TOP2B: variants seen among roughly 807,000 people sequenced by gnomAD.
TOP2B encodes DNA topoisomerase II beta, also known as DNA topoisomerase 2-beta.
In TOP2B, 51 loss-of-function variants were observed where a neutral mutation model predicts 193.5. That is an observed-to-expected ratio of 0.26 (90% CI 0.21 to 0.33). The LOEUF is 0.33. Among genes scored for constraint, TOP2B ranks in the 10% least tolerant of loss-of-function variants. The probability of loss-of-function intolerance (pLI) is 1.00; values close to 1 mark genes in which losing one functional copy is unlikely to be tolerated. For synonymous variants in TOP2B, 634 were observed against 635.7 expected, an observed-to-expected ratio of 1.00 and a Z score of 0.04; for missense variants, 1,378 against 1,909.3, an observed-to-expected ratio of 0.72 and a Z score of 5.19.
intron 7 of TOP2B, among the ~76,000 whole-genome samples, chr3:25,635,370 C>T (rs568713075): frequency 2.0e-5 from 3 of 152,086 alleles, no homozygotes; most frequent in Admixed American, 1.3e-4. Flanking sequence ...AAAGATAAAG[C>T]GATTATCAGA....
intron 25 of TOP2B, among the ~76,000 whole-genome samples, chr3:25,617,891 T>G (rs1245912387): frequency 6.6e-6 from 1 of 152,206 alleles, no homozygotes; most frequent in Non-Finnish European, 1.5e-5. Context: ...TAATCTGAAG[T>G]TCCAGGGTTT....
chr3:25,630,982 C>G, intron 10 of TOP2B, 43 bp from the exon 11 acceptor site: 1 of 1,524,574 alleles, frequency 6.6e-7, no homozygotes, highest in South Asian at 1.3e-5. Context: ...GCTGAAAATT[C>G]ATACATTTAG....
intron 27 of TOP2B, among the ~76,000 whole-genome samples, chr3:25,614,412 A>G (rs1271864856): frequency 6.6e-6 from 1 of 152,138 alleles, no homozygotes; most frequent in Non-Finnish European, 1.5e-5. Context: ...AAAACTAATT[A>G]ATGAACAATA....
At chr3:25,613,074 A>G (rs1224728852) in intron 27 of TOP2B, among the ~76,000 whole-genome samples, 2 of 152,192 alleles carry the variant, frequency 1.3e-5, no homozygotes, top group African/African-American at 4.8e-5. Context: ...TTCTGCTAAT[A>G]AGTATGAAGT....
chr3:25,660,380 T>C (rs1409400236), intron 1 of TOP2B, among the ~76,000 whole-genome samples: 1 of 152,308 alleles, frequency 6.6e-6, no homozygotes, highest in East Asian at 1.9e-4. Context: ...TTATCATGCA[T>C]GAAAGTTACA....
Position 25,609,710 on chromosome 3 carries a change from A to G in TOP2B, c.3789T>C (p.Gly1263=), listed in dbSNP as rs1033300198. 2 of 1,448,068 alleles carry G rather than the reference A, an allele frequency of 1.4e-6. No individual in the cohort carries two copies. Among genetic ancestry groups the G allele is most frequent in the Non-Finnish European group, 1.8e-6 (2 of 1,102,836 alleles). The allele number at this position is 1,448,068 out of a possible 1,614,324, so 89.7% of individuals were successfully genotyped here. A position where few individuals can be genotyped will look rare whatever the true frequency, so the allele number is the denominator to read the frequency against. ...ASKKLLKKKK[G]DLDTAAVKVE... is the part of the protein sequence containing the mutation. ...CTTTTACTGCTGCAGTATCAAGATC[A>G]CCCTACATAATAAAAAGAAAATCAA... is the stretch of plus-strand genomic sequence containing the variant. The change falls in exon 29 of 36, where the codon GGT becomes GGC. Residue 1263 remains glycine (G), a splice_region_variant and synonymous_variant. Coordinates refer to ENST00000264331, the MANE Select transcript of TOP2B (RefSeq NM_001330700.2).
At chr3:25,617,564 T>C (rs1412310813) in intron 25 of TOP2B, among the ~76,000 whole-genome samples, 2 of 152,194 alleles carry the variant, frequency 1.3e-5, no homozygotes, top group African/African-American at 2.4e-5. Context: ...AGAACTCAAG[T>C]ACAGGGAAGT....
At chr3:25,625,632 G>C (rs112333288) in intron 18 of TOP2B, among the ~76,000 whole-genome samples, 1 of 152,118 alleles carries the variant, frequency 6.6e-6, no homozygotes, top group African/African-American at 2.4e-5. Context: ...GCTATCGTTA[G>C]TGTTAGTGTA....
chr3:25,654,565 C>A (rs1461584993), intron 1 of TOP2B, among the ~76,000 whole-genome samples: 1 of 151,784 alleles, frequency 6.6e-6, no homozygotes, highest in African/African-American at 2.4e-5. Context: ...GTATTTTTTG[C>A]AGAAATACAA....
chr3:25,638,587 G>A (rs1178551049), intron 4 of TOP2B, among the ~76,000 whole-genome samples: 1 of 151,548 alleles, frequency 6.6e-6, no homozygotes, highest in African/African-American at 2.4e-5. Context: ...AACATCTCAG[G>A]ATGACAAAAA....
chr3:25,653,480 A>G (rs1336925890), intron 1 of TOP2B, among the ~76,000 whole-genome samples: 1 of 151,774 alleles, frequency 6.6e-6, no homozygotes, highest in Non-Finnish European at 1.5e-5. Context: ...CTGCAGCCTC[A>G]ACCTCCCAGG....
intron 32 of TOP2B, among the ~76,000 whole-genome samples, chr3:25,605,243 A>T (rs1350619665): frequency 6.6e-6 from 1 of 152,178 alleles, no homozygotes. Flanking sequence ...TAACCATTTC[A>T]GGAATATCAG....
At chr3:25,642,183 A>T in intron 4 of TOP2B, 139 bp downstream of exon 4, 1 of 498,166 alleles carries the variant, frequency 2.0e-6, no homozygotes, top group Non-Finnish European at 3.6e-6. Context: ...CACAGAAAAG[A>T]GGCAAAAATA....
chr3:25,632,101 A>T (rs1702976632), intron 10 of TOP2B, among the ~76,000 whole-genome samples: 1 of 152,108 alleles, frequency 6.6e-6, no homozygotes, highest in African/African-American at 2.4e-5. Context: ...TATAAAGATA[A>T]GAATCAGTAG....
At chr3:25,601,250 A>G (rs1702086523) in intron 33 of TOP2B, 25 bp from the exon 34 acceptor site, 28 of 1,605,290 alleles carry the variant, frequency 1.7e-5, no homozygotes, top group Non-Finnish European at 2.3e-5. Context: ...TCCATTTCAC[A>G]GGTCAATATA....
At chr3:25,648,865 A>C (rs1218405039) in intron 1 of TOP2B, among the ~76,000 whole-genome samples, 3 of 152,222 alleles carry the variant, frequency 2.0e-5, no homozygotes, top group African/African-American at 7.2e-5. Flanking sequence ...CTGTCTCAAA[A>C]AAATAATAAA....
In TOP2B at chr3:25,664,526, G is replaced by A. The variant is rs538044440; in HGVS notation, c.-229C>T. 2.6e-6 allele frequency: 3 copies of A among 1,152,632 alleles called. No individual in the cohort carries two copies. The African/African-American group carries it at 4.9e-5, about 19-fold the overall frequency. 71.4% of individuals were successfully genotyped at this position (1,152,632 alleles called of 1,614,324 possible). ...TCGAGGCGCGGCGTCCGCGTCGCCCGGGCCTAGCGCGGCGGCTGAGGAGAA... is the reference window on the plus strand; with the variant it reads ...TCGAGGCGCGGCGTCCGCGTCGCCCAGGCCTAGCGCGGCGGCTGAGGAGAA... On this transcript the variant is annotated 5_prime_UTR_variant, in exon 1 of 36. Coordinates refer to ENST00000264331, the MANE Select transcript of TOP2B (RefSeq NM_001330700.2).
chr3:25,614,912 T>C (rs998252509), intron 27 of TOP2B, among the ~76,000 whole-genome samples: 1 of 152,008 alleles, frequency 6.6e-6, no homozygotes, highest in African/African-American at 2.4e-5. Context: ...GCCTTACCTC[T>C]TTCCAGGAAA....
intron 1 of TOP2B, among the ~76,000 whole-genome samples, chr3:25,655,541 A>T (rs1703719090): frequency 6.6e-6 from 1 of 152,246 alleles, no homozygotes; most frequent in South Asian, 2.1e-4. Flanking sequence ...GTATATATCC[A>T]AAAGAATTCA....
Sources: gnomAD v4.1 joint callset for allele counts (sites outside exome capture counted in the v4.1 genomes callset) on GRCh38, gnomAD v4.1.1 for gene constraint, MANE v1.5 for transcripts, NCBI Gene and HGNC (gene_info 2026-07-23, HGNC 2026-07-21) for gene names.